The following INPP5B variants were observed in gnomAD, a reference collection of about 807,000 sequenced individuals.
INPP5B encodes inositol polyphosphate-5-phosphatase B, also known as type II inositol 1,4,5-trisphosphate 5-phosphatase.
In INPP5B, 90 loss-of-function variants were observed where a neutral mutation model predicts 118.5. That is an observed-to-expected ratio of 0.76 (90% CI 0.64 to 0.90). The LOEUF is 0.90. Ranked by LOEUF, INPP5B falls within the 40% of genes least tolerant of loss-of-function variation. The pLI is 0.00. For missense variants in INPP5B, 984 were observed against 1,125.6 expected, an observed-to-expected ratio of 0.87 and a Z score of 1.80; for synonymous variants, 385 against 418.9, an observed-to-expected ratio of 0.92 and a Z score of 0.99.
rs1557717041 is a variant in INPP5B at position 37,932,002 on chromosome 1, C to T, written c.443G>A (p.Arg148Lys). The change falls in exon 7 of 24, where the codon AGG (arginine) becomes AAG (lysine). Residue 148 changes from arginine to lysine, a missense_variant. Physicochemically the swap from Arg to Lys is conservative, Grantham distance 26. Around this residue, in one of 2 missense-constraint regions of INPP5B, gnomAD observed 350 missense variants for 334.6 expected, o/e 1.05. Coordinates refer to ENST00000373024, the MANE Select transcript of INPP5B (RefSeq NM_005540.3). ...CATCTCCAGCTCCAGCTCTGCGCACCTATACCGAGACAGCCACAGGAATTC... is the reference window on the plus strand; with the variant it reads ...CATCTCCAGCTCCAGCTCTGCGCACTTATACCGAGACAGCCACAGGAATTC... ...DPEFLWLSRY[R>K]CAELELEMPT... The T allele has an allele frequency of 3.7e-6, 6 of 1,610,328 alleles. No individual in the cohort carries two copies. The highest frequency in any genetic ancestry group is 1.3e-5 in the African/African-American group (1 of 74,822).
chr1:37,895,638 G>C (rs905711102), intron 7 of INPP5B, among the ~76,000 whole-genome samples: 3 of 152,172 alleles, frequency 2.0e-5, no homozygotes, highest in Admixed American at 6.5e-5. Context: ...TCAGCTTGCC[G>C]AGTGCCTGCG....
At chr1:37,945,873 G>A in intron 2 of INPP5B, 23 bp from the exon 3 acceptor site, 1 of 1,611,472 alleles carries the variant, frequency 6.2e-7, no homozygotes, top group Non-Finnish European at 8.5e-7. Flanking sequence ...GTCAAGGGAA[G>A]ACAACCCAGA....
rs767624065 is a variant in INPP5B, at chr1:37,931,944, A to T, written c.501T>A (p.Val167=). The T allele has an allele frequency of 6.2e-7, 1 of 1,613,936 alleles. No homozygotes were observed. Among genetic ancestry groups the T allele is most frequent in the Non-Finnish European group, 8.5e-7 (1 of 1,180,028 alleles). Residue 167 remains valine (V), a synonymous_variant, in exon 7 of 24, where the codon GTT becomes GTA. Transcript: ENST00000373024. ...PTPRGCNSAL[V]TWPGYATIGG... ...CAATTGTCGCGTACCCTGGCCAGGT[A>T]ACTAGGGCCGAGTTACAACCGCGCG...
chr1:37,887,545 A>T, intron 10 of INPP5B, 80 bp from the exon 11 acceptor site: 1 of 796,012 alleles, frequency 1.3e-6, no homozygotes, highest in Non-Finnish European at 2.1e-6. Flanking sequence ...TTAGGTGCAT[A>T]AGCCCTAGCT....
chr1:37,890,347 C>CAAAAAAAAAAA, intron 8 of INPP5B, among the ~76,000 whole-genome samples: 1 of 123,234 alleles, frequency 8.1e-6, no homozygotes, highest in African/African-American at 3.0e-5. Context: ...GACTCTGTCT[C>CAAAAAAAAAAA]AAAAGAAAAA....
At chr1:37,933,015 G>A (rs1009828949) in intron 6 of INPP5B, among the ~76,000 whole-genome samples, 2 of 152,076 alleles carry the variant, frequency 1.3e-5, no homozygotes, top group Non-Finnish European at 2.9e-5. Flanking sequence ...TATCCCACCT[G>A]CTCTGTCTGT....
At chr1:37,945,290 G>A (rs1332581694) in intron 3 of INPP5B, among the ~76,000 whole-genome samples, 1 of 152,134 alleles carries the variant, frequency 6.6e-6, no homozygotes, top group East Asian at 1.9e-4. Flanking sequence ...AATGAGCCAG[G>A]CATGGTGGCG....
intron 5 of INPP5B, chr1:37,941,937 C>CAA (rs1212694634): frequency 4.1e-3 from 52 of 12,640 alleles, no homozygotes; most frequent in Non-Finnish European, 4.8e-3. Flanking sequence ...GACTCCGTCT[C>CAA]AAAAAAAAAA....
intron 7 of INPP5B, among the ~76,000 whole-genome samples, chr1:37,905,800 T>C (rs1385711138): frequency 6.6e-6 from 1 of 152,236 alleles, no homozygotes; most frequent in Non-Finnish European, 1.5e-5. Flanking sequence ...GTTAACTGCA[T>C]GGACTGAACT....
chr1:37,895,565 C>G (rs541443005), intron 7 of INPP5B, among the ~76,000 whole-genome samples: 1 of 151,748 alleles, frequency 6.6e-6, no homozygotes, highest in African/African-American at 2.4e-5. Flanking sequence ...GATGCCGAGC[C>G]GAAGCTGGAC....
Position 37,943,625 on chromosome 1 carries a change from A to C in INPP5B, c.280+15T>G. ...CCCTGCCCCGAGTGGGACCCAGACC[A>C]AGAGGACCACTCACCAAGGATGTAG... On this transcript the variant is annotated intron_variant, in intron 5 of 23. Transcript: ENST00000373024. 1 of 1,613,902 alleles carries C rather than the reference A, an allele frequency of 6.2e-7. No homozygotes were observed. The highest frequency in any genetic ancestry group is 8.5e-7 in the Non-Finnish European group (1 of 1,179,886).
chr1:37,925,698 T>C (rs1038680148), intron 7 of INPP5B, among the ~76,000 whole-genome samples: 1 of 152,178 alleles, frequency 6.6e-6, no homozygotes, highest in Non-Finnish European at 1.5e-5. Flanking sequence ...TCTAACTGAG[T>C]GTTTGTGGGT....
rs977165953 is a variant in INPP5B, at chr1:37,891,656, C to T, written c.533-202G>A. On this transcript the variant is annotated intron_variant, in intron 7 of 23. Coordinates refer to ENST00000373024, the MANE Select transcript of INPP5B (RefSeq NM_005540.3). ...AGGCATGGTGGTGCATGCCTGTAAT[C>T]CCAATTACTCGGGAGGCTGAGGCAG... 1.1e-4 allele frequency among the ~76,000 whole-genome samples: 17 copies of T among 152,238 alleles called. No homozygotes were observed. In the East Asian group the frequency reaches 3.3e-3, roughly 30 times the overall value.
At chr1:37,944,839 G>A (rs570715625) in intron 3 of INPP5B, among the ~76,000 whole-genome samples, 202 of 151,576 alleles carry the variant, frequency 1.3e-3, no homozygotes, top group African/African-American at 4.6e-3. Context: ...AGCTGGTCTC[G>A]AACTCCTAGG....
At chr1:37,918,942 T>C (rs1644963403) in intron 7 of INPP5B, among the ~76,000 whole-genome samples, 2 of 152,328 alleles carry the variant, frequency 1.3e-5, no homozygotes, top group South Asian at 2.1e-4. Flanking sequence ...CTTCATGCAT[T>C]GTGTCTGATT....
rs1419780872 is a variant in INPP5B at position 37,878,235 on chromosome 1, G to A, written c.1630C>T (p.Leu544=). Residue 544 remains leucine (L), a synonymous_variant, in exon 16 of 24, where the codon CTG becomes TTG. Transcript: ENST00000373024. ...TQLSYQSHMA[L]KTSDHKPVSS... The stretch of plus-strand genomic sequence containing the variant: ...ACAGGCTTGTGGTCACTGGTCTTCA[G>A]GGCCATGTGGCTCTGGTAACTCAGC... 1.2e-6 allele frequency: 2 copies of A among 1,614,018 alleles called. No homozygotes were observed. The highest frequency in any genetic ancestry group is 3.3e-4 in the Middle Eastern group (2 of 6,084).
At chr1:37,866,435 C>CACACACACACACACAG in intron 21 of INPP5B, 24 bp downstream of exon 21, 1 of 1,230,996 alleles carries the variant, frequency 8.1e-7, no homozygotes. Context: ...CACACACACA[C>CACACACACACACACAG]AGAGCTGAAT....
At chr1:37,876,287 A>G (rs1642798324) in intron 16 of INPP5B, among the ~76,000 whole-genome samples, 1 of 151,618 alleles carries the variant, frequency 6.6e-6, no homozygotes, top group South Asian at 2.1e-4. Flanking sequence ...TACTTTTTGT[A>G]GAGATGAGGG....
At chr1:37,880,666 G>A (rs371104499) in intron 14 of INPP5B, among the ~76,000 whole-genome samples, 25 of 152,064 alleles carry the variant, frequency 1.6e-4, no homozygotes, top group African/African-American at 6.0e-4. Flanking sequence ...TCGAACTCCT[G>A]ACGTGATCCA....
Sources: allele counts gnomAD v4.1 joint callset (sites outside exome capture counted in the v4.1 genomes callset), GRCh38; gene constraint gnomAD v4.1.1; regional missense constraint gnomAD v4.1.1; transcripts MANE v1.5; gene names NCBI Gene and HGNC (gene_info 2026-07-23, HGNC 2026-07-21).